The following DYM variants were observed in gnomAD, a reference collection of about 807,000 sequenced individuals.
The protein encoded by DYM is dyggve-Melchior-Clausen syndrome protein.
Under a neutral mutation model 93.1 loss-of-function variants are expected in DYM, and 78 were observed. That is an observed-to-expected ratio of 0.84 (90% CI 0.70 to 1.01). The LOEUF (loss-of-function observed/expected upper bound fraction) is 1.01, where lower values mean the gene tolerates loss of function less well. DYM is among the 50% of genes least tolerant of loss of function. DYM has a pLI of 0.00. For synonymous variants in DYM, 321 were observed against 319.7 expected, an observed-to-expected ratio of 1.00 and a Z score of -0.04; for missense variants, 789 against 845.0, an observed-to-expected ratio of 0.93 and a Z score of 0.82.
At chr18:49,335,774 G>A (rs976044726) in intron 6 of DYM, among the ~76,000 whole-genome samples, 1 of 151,938 alleles carries the variant, frequency 6.6e-6, no homozygotes, top group African/African-American at 2.4e-5. Flanking sequence ...ATAGGCAGAT[G>A]GATGACTATG....
intron 16 of DYM, 143 bp downstream of exon 16, chr18:49,118,601 C>A (rs2082114683): frequency 2.6e-6 from 2 of 775,066 alleles, no homozygotes; most frequent in Non-Finnish European, 4.3e-6. Flanking sequence ...ATTACCACAA[C>A]TATTATAGTA....
At chr18:49,161,607 C>T (rs1258158015) in intron 15 of DYM, among the ~76,000 whole-genome samples, 1 of 152,108 alleles carries the variant, frequency 6.6e-6, no homozygotes, top group African/African-American at 2.4e-5. Context: ...ACAGGTATGG[C>T]AAGTGTAGAA....
intron 1 of DYM, among the ~76,000 whole-genome samples, chr18:49,457,375 T>C (rs1012663389): frequency 7.2e-5 from 11 of 152,180 alleles, no homozygotes; most frequent in African/African-American, 2.2e-4. Flanking sequence ...GACATGAATA[T>C]GAAAAAGAGA....
chr18:49,267,895 T>C (rs906297610), intron 11 of DYM, among the ~76,000 whole-genome samples: 5 of 149,590 alleles, frequency 3.3e-5, no homozygotes, highest in Non-Finnish European at 5.9e-5. Flanking sequence ...AGACTGTGTC[T>C]CAAACAAACA....
intron 17 of DYM, among the ~76,000 whole-genome samples, chr18:49,080,042 C>G (rs1295013062): frequency 5.7e-4 from 85 of 148,994 alleles, no homozygotes; most frequent in African/African-American, 2.0e-3. Flanking sequence ...GGGTGCCTCA[C>G]TTCCTAGTAG....
At position 49,088,971 on chromosome 18, in the gene DYM, G is replaced by C. The variant is rs111620797; in HGVS notation, c.2025+8431C>G. ...CACACCTGGCTAATATTTTAGGGGG[G>C]CGTTTTAGTAGAGATGAGGTCTTGT... On this transcript the variant is annotated intron_variant, in intron 17 of 17. Coordinates refer to ENST00000675505, the MANE Select transcript of DYM (RefSeq NM_001353214.3). Among the ~76,000 whole-genome samples, 1,114 of 152,094 alleles carry C rather than the reference G, an allele frequency of 7.3e-3. 14 individuals carry two copies. Among genetic ancestry groups the C allele is most frequent in the African/African-American group, 0.026 (1,083 of 41,486 alleles).
chr18:49,258,839 C>CACAG lies in DYM; in HGVS notation c.1252-347_1252-346insCTGT, dbSNP rs1452041255. Among the ~76,000 whole-genome samples, 216 of 113,730 alleles carry CACAG rather than the reference C, an allele frequency of 1.9e-3. 4 individuals carry two copies. In the East Asian group the frequency reaches 0.043, roughly 23 times the overall value. The allele number at this position is 113,730 out of a possible 152,430, so 74.6% of individuals were successfully genotyped here. On this transcript the variant is annotated intron_variant, in intron 11 of 17. Transcript: ENST00000675505. ...ACACACACAGAGACACACACACACACAGAGAGAGAGAGAGAGAGAGAGAGA... is the reference window on the plus strand; with the variant it reads ...ACACACACAGAGACACACACACACACACAGAGAGAGAGAGAGAGAGAGAGAGAGA...
chr18:49,189,543 A>G (rs1173622895), intron 14 of DYM, among the ~76,000 whole-genome samples: 1 of 152,242 alleles, frequency 6.6e-6, no homozygotes, highest in Non-Finnish European at 1.5e-5. Flanking sequence ...ATGACCAAAT[A>G]ACAAGCATGT....
At chr18:49,262,259 C>T (rs1349431259) in intron 11 of DYM, among the ~76,000 whole-genome samples, 1 of 152,078 alleles carries the variant, frequency 6.6e-6, no homozygotes, top group Non-Finnish European at 1.5e-5. Context: ...GTATTGCCTG[C>T]GACCACCAGA....
At chr18:49,274,247 C>T (rs1033566674) in intron 10 of DYM, among the ~76,000 whole-genome samples, 34 of 152,062 alleles carry the variant, frequency 2.2e-4, no homozygotes, top group African/African-American at 7.5e-4. Context: ...TAGAATCATA[C>T]ACTACGTAGA....
chr18:49,363,343 T>A (rs1599687620), intron 5 of DYM, 110 bp from the exon 6 acceptor site: 1 of 783,216 alleles, frequency 1.3e-6, no homozygotes, highest in East Asian at 2.7e-5. Flanking sequence ...TATCATTATA[T>A]AAACTCAGAT....
intron 2 of DYM, among the ~76,000 whole-genome samples, chr18:49,393,417 AC>A (rs2069640311): frequency 6.6e-6 from 1 of 152,206 alleles, no homozygotes; most frequent in African/African-American, 2.4e-5. Flanking sequence ...ATGTGTACCA[AC>A]AGATAGATGG....
In DYM at chr18:49,220,558, T is replaced by C. The variant is rs1427099026; in HGVS notation, c.1461-10843A>G. Among the ~76,000 whole-genome samples the C allele has an allele frequency of 9.7e-3, 1,467 of 151,110 alleles. 36 individuals carry two copies. Among genetic ancestry groups the C allele is most frequent in the South Asian group, 0.074 (350 of 4,756 alleles). On this transcript the variant is annotated intron_variant, in intron 13 of 17. Transcript: ENST00000675505. The stretch of plus-strand genomic sequence containing the variant: ...CATGGTACTGGTACCAAAACAGAGA[T>C]ATAGATCAATGGAACAGAACAGAGC...
Position 49,044,065 on chromosome 18 carries a change from T to A in DYM, c.2165A>T (p.Asp722Val). 1 of 1,613,554 alleles carries A rather than the reference T, an allele frequency of 6.2e-7. No homozygotes were observed. The change falls in exon 18 of 18, where the codon GAT becomes GTT. Residue 722 changes from aspartate (D) to valine (V), a missense_variant. Transcript: ENST00000675505. Reference sequence around the variant, plus strand: ...GAGAGCATCCTGCCCTCAGTCGGAATCCATGGTGAACAGCTGGATGTCCTG... The same window carrying A: ...GAGAGCATCCTGCCCTCAGTCGGAAACCATGGTGAACAGCTGGATGTCCTG... ...NPQDIQLFTM[D>V]SD
chr18:49,202,960 C>CA (rs1283345953), intron 14 of DYM, among the ~76,000 whole-genome samples: 1 of 119,578 alleles, frequency 8.4e-6, no homozygotes, highest in Non-Finnish European at 1.8e-5. Context: ...GGTGAGGGGT[C>CA]AGCCCCCCCG....
At chr18:49,316,291 A>AC (rs2061936312) in intron 8 of DYM, among the ~76,000 whole-genome samples, 9 of 151,722 alleles carry the variant, frequency 5.9e-5, no homozygotes, top group Non-Finnish European at 7.4e-5. Context: ...CACACACACA[A>AC]AAAAAAATCA....
At chr18:49,276,781 T>C (rs752742430) in intron 10 of DYM, among the ~76,000 whole-genome samples, 22 of 152,002 alleles carry the variant, frequency 1.4e-4, no homozygotes, top group Non-Finnish European at 2.4e-4. Flanking sequence ...AGTAGGGAAG[T>C]GACATGATCA....
At chr18:49,459,139 CT>C (rs1259455235) in intron 1 of DYM, among the ~76,000 whole-genome samples, 1 of 152,174 alleles carries the variant, frequency 6.6e-6, no homozygotes, top group East Asian at 1.9e-4. Flanking sequence ...GCTGAATCTC[CT>C]TCCTATTAAC....
At chr18:49,424,773 T>A (rs2074097185) in intron 2 of DYM, among the ~76,000 whole-genome samples, 1 of 152,180 alleles carries the variant, frequency 6.6e-6, no homozygotes. Context: ...AGCCAAATCA[T>A]GAGTGAACTC....
Sources: allele counts gnomAD v4.1 joint callset (sites outside exome capture counted in the v4.1 genomes callset), GRCh38; gene constraint gnomAD v4.1.1; transcripts MANE v1.5; gene names NCBI Gene and HGNC (gene_info 2026-07-23, HGNC 2026-07-21).